The following RNF38 variants were observed in gnomAD, a reference collection of about 807,000 sequenced individuals.
The protein encoded by RNF38 is ring finger protein 38.
In RNF38, 15 loss-of-function variants were observed where a neutral mutation model predicts 67.2. That is an observed-to-expected ratio of 0.22 (90% CI 0.15 to 0.34). The LOEUF (loss-of-function observed/expected upper bound fraction) is 0.34. Ranked by LOEUF, RNF38 falls within the 10% of genes least tolerant of loss-of-function variation. RNF38 has a pLI of 1.00. For missense variants in RNF38, 524 were observed against 639.9 expected (o/e 0.82, Z 1.95); for synonymous variants, 220 against 218.8 (o/e 1.01, Z -0.05).
rs577941298 is a variant in RNF38, at chr9:36,466,466, G to A, written n.241+20842C>T. On this transcript the variant is annotated intron_variant and non_coding_transcript_variant, in intron 1 of 3. Coordinates refer to the RNF38 transcript ENST00000488058. ...AGGCACAATGGGAGGCTCATAAAGC[G>A]TAGTTTTAGTATTTTATTTCTTGAC... Among the ~76,000 whole-genome samples the A allele has an allele frequency of 5.9e-5, 9 of 152,324 alleles. No individual in the cohort carries two copies. In the South Asian group the frequency reaches 8.3e-4, roughly 14 times the overall value.
chr9:36,387,182 C>T (rs1233776250), intron 2 of RNF38, among the ~76,000 whole-genome samples: 1 of 152,158 alleles, frequency 6.6e-6, no homozygotes, highest in Admixed American at 6.5e-5. Context: ...TAAAAATGGG[C>T]AACCAGCAGG....
chr9:36,382,271 C>T (rs1227442795), intron 2 of RNF38, among the ~76,000 whole-genome samples: 1 of 152,076 alleles, frequency 6.6e-6, no homozygotes, highest in African/African-American at 2.4e-5. Context: ...CAGTATAGAA[C>T]ACTGCTACAG....
chr9:36,438,034 C>A (rs1157000105), intron 1 of RNF38, among the ~76,000 whole-genome samples: 2 of 152,298 alleles, frequency 1.3e-5, no homozygotes, highest in African/African-American at 4.8e-5. Flanking sequence ...CAGCCTCAAC[C>A]TCCTGGGCTC....
At chr9:36,362,374 A>G (rs553509973) in intron 4 of RNF38, among the ~76,000 whole-genome samples, 1 of 152,036 alleles carries the variant, frequency 6.6e-6, no homozygotes, top group East Asian at 1.9e-4. Context: ...AGGGGGGAGA[A>G]GGAGTTTCAT....
At chr9:36,351,717 CTG>C (rs1224648428) in intron 8 of RNF38, among the ~76,000 whole-genome samples, 10 of 152,174 alleles carry the variant, frequency 6.6e-5, no homozygotes, top group Non-Finnish European at 1.3e-4. Context: ...GGTATAAAAA[CTG>C]TATTTCCTAG....
At chr9:36,414,106 A>C (rs1838398932) in intron 2 of RNF38, among the ~76,000 whole-genome samples, 1 of 151,226 alleles carries the variant, frequency 6.6e-6, no homozygotes, top group Non-Finnish European at 1.5e-5. Flanking sequence ...ATCTTTTTTC[A>C]CTCCTTTACC....
chr9:36,367,153 C>CAA (rs1214367615), intron 4 of RNF38, among the ~76,000 whole-genome samples: 3 of 152,172 alleles, frequency 2.0e-5, no homozygotes, highest in Admixed American at 1.3e-4. Context: ...TGCCTCCTGA[C>CAA]AGACTCAAAA....
At chr9:36,373,869 T>A (rs1240865876) in intron 3 of RNF38, among the ~76,000 whole-genome samples, 1 of 152,054 alleles carries the variant, frequency 6.6e-6, no homozygotes, top group African/African-American at 2.4e-5. Flanking sequence ...TTTTGTATTT[T>A]TGGTAGAGAC....
intron 1 of RNF38, among the ~76,000 whole-genome samples, chr9:36,485,980 C>A (rs914198291): frequency 1.3e-5 from 2 of 152,160 alleles, no homozygotes; most frequent in African/African-American, 2.4e-5. Context: ...TCACACTCAA[C>A]CTTGTAAGCT....
chr9:36,356,078 C>G (rs1460543352), intron 6 of RNF38, among the ~76,000 whole-genome samples: 2 of 152,022 alleles, frequency 1.3e-5, no homozygotes, highest in African/African-American at 4.8e-5. Flanking sequence ...AACTCCAGAC[C>G]CTAGGTGATC....
intron 4 of RNF38, among the ~76,000 whole-genome samples, chr9:36,364,416 T>A (rs554008239): frequency 2.1e-4 from 32 of 152,298 alleles, no homozygotes; most frequent in African/African-American, 7.5e-4. Flanking sequence ...TTTTCAACAG[T>A]GTAGAGGGTT....
chr9:36,427,321 T>C (rs1285896480), intron 1 of RNF38, among the ~76,000 whole-genome samples: 1 of 152,204 alleles, frequency 6.6e-6, no homozygotes, highest in African/African-American at 2.4e-5. Context: ...TTTCCTAGTC[T>C]ACACTTCCAT....
chr9:36,444,318 G>A (rs555066364), intron 1 of RNF38, among the ~76,000 whole-genome samples: 134 of 152,270 alleles, frequency 8.8e-4, no homozygotes, highest in African/African-American at 3.1e-3. Context: ...CAGGTTGGGG[G>A]GAAGGGAGAG....
In RNF38 at chr9:36,474,514, T is replaced by C. The variant is rs938473039; in HGVS notation, n.241+12794A>G. 4.0e-5 allele frequency among the ~76,000 whole-genome samples: 6 copies of C among 148,178 alleles called. 1 individual carries two copies. Among genetic ancestry groups the C allele is most frequent in the Non-Finnish European group, 7.4e-5 (5 of 67,288 alleles). Reference sequence around the variant, plus strand: ...CTGTAAAGTAAGATGCAGTAAAGCATGACGGCTAAAAATACAGATTCTGGA... The same window carrying C: ...CTGTAAAGTAAGATGCAGTAAAGCACGACGGCTAAAAATACAGATTCTGGA... On this transcript the variant is annotated intron_variant and non_coding_transcript_variant, in intron 1 of 3. Coordinates refer to the RNF38 transcript ENST00000488058.
intron 1 of RNF38, among the ~76,000 whole-genome samples, chr9:36,449,300 A>T (rs910559873): frequency 1.3e-5 from 2 of 151,920 alleles, no homozygotes; most frequent in African/African-American, 4.8e-5. Flanking sequence ...GTATGGTAGC[A>T]CACACCTATA....
chr9:36,400,912 G>GCGCCC (rs1321467509), upstream of RNF38: 38 of 766,920 alleles, frequency 5.0e-5, no homozygotes, highest in African/African-American at 5.6e-5. Context: ...CCGCCCCGCC[G>GCGCCC]CGCCCCGCCG....
chr9:36,400,303 T>C (rs953506464), upstream of RNF38: 5 of 1,281,892 alleles, frequency 3.9e-6, no homozygotes, highest in Non-Finnish European at 5.0e-6. Context: ...GGTTCCGCGT[T>C]CTCCTGGGTG....
chr9:36,357,996 C>A, intron 4 of RNF38, 54 bp from the exon 5 acceptor site: 2 of 1,484,330 alleles, frequency 1.3e-6, no homozygotes, highest in South Asian at 2.3e-5. Flanking sequence ...AAAATGTTAA[C>A]TATTCAAAAT....
At chr9:36,353,612 G>A (rs1250416012) in intron 6 of RNF38, among the ~76,000 whole-genome samples, 2 of 151,954 alleles carry the variant, frequency 1.3e-5, no homozygotes, top group African/African-American at 4.8e-5. Flanking sequence ...AAAATGAGAA[G>A]GCAAAAAGTC....
Sources: allele counts gnomAD v4.1 joint callset (sites outside exome capture counted in the v4.1 genomes callset), GRCh38; gene constraint gnomAD v4.1.1; transcripts MANE v1.5; gene names NCBI Gene and HGNC (gene_info 2026-07-23, HGNC 2026-07-21).